ARID1B: variants seen among roughly 807,000 people sequenced by gnomAD.
ARID1B encodes the protein AT-rich interaction domain 1B, also known as AT-rich interactive domain-containing protein 1B.
ARID1B carries 30 observed loss-of-function variants against 212.3 expected under a neutral mutation model. The ratio of observed to expected loss-of-function variants is 0.14; its 90% confidence interval spans 0.11 to 0.19. The LOEUF is 0.19. Ranked by LOEUF, ARID1B falls within the 10% of genes least tolerant of loss-of-function variation. The pLI is 1.00. For missense variants in ARID1B, 2,891 were observed against 3,204.0 expected, an observed-to-expected ratio of 0.90 and a Z score of 2.36; for synonymous variants, 1,402 against 1,301.7, an observed-to-expected ratio of 1.08 and a Z score of -1.66.
intron 2 of ARID1B, among the ~76,000 whole-genome samples, chr6:156,873,202 A>G (rs1786286291): frequency 6.6e-6 from 1 of 152,194 alleles, no homozygotes; most frequent in Non-Finnish European, 1.5e-5. Context: ...AGAAAAGGGG[A>G]ATGGGCACAA....
intron 4 of ARID1B, among the ~76,000 whole-genome samples, chr6:157,013,562 AG>A (rs1231364884): frequency 6.6e-6 from 1 of 152,258 alleles, no homozygotes; most frequent in Non-Finnish European, 1.5e-5. Context: ...CACTGAAAAC[AG>A]GATCTGTCAC....
chr6:157,028,426 A>G (rs983550090), intron 4 of ARID1B, among the ~76,000 whole-genome samples: 4 of 152,246 alleles, frequency 2.6e-5, no homozygotes, highest in East Asian at 1.9e-4. Context: ...ATTTAATAAG[A>G]TACAGTTTAC....
chr6:157,109,885 G>A (rs1486937640), intron 5 of ARID1B, among the ~76,000 whole-genome samples: 2 of 152,200 alleles, frequency 1.3e-5, no homozygotes, highest in Non-Finnish European at 2.9e-5. Flanking sequence ...TGCTATTGCT[G>A]TATTAGCAAT....
rs377763659 is a variant in ARID1B at position 156,963,694 on chromosome 6, AGTTT to A, written c.2247+28127_2247+28130del. On this transcript the variant is annotated intron_variant, in intron 4 of 19. Transcript: ENST00000636930. Reference sequence around the variant, plus strand: ...CTACATAAAATCAAAACCATGGAAGAGTTTGTTTGTTTTGTAATCAAATAAATCT... The same window carrying A: ...CTACATAAAATCAAAACCATGGAAGAGTTTGTTTTGTAATCAAATAAATCT... Among the ~76,000 whole-genome samples, 673 of 152,338 alleles carry A rather than the reference AGTTT, an allele frequency of 4.4e-3. 4 individuals carry two copies. The highest frequency in any genetic ancestry group is 0.015 in the African/African-American group (633 of 41,584).
At position 157,181,026 on chromosome 6, in the gene ARID1B, A is replaced by T; in HGVS notation, c.3562A>T (p.Asn1188Tyr). ...EKITKVYELG[N>Y]EPERKLWVDR... ...GATCACGAAGGTGTACGAGCTGGGG[A>T]ATGAGCCAGAGAGAAAGCTCTGGGT... Residue 1188 changes from asparagine (N) to tyrosine (Y), a missense_variant, in exon 12 of 20, where the codon AAT (asparagine) becomes TAT (tyrosine). By Grantham distance (143) the Asn-to-Tyr change is moderately radical. Transcript: ENST00000636930. 1 of 1,614,088 alleles carries T rather than the reference A, an allele frequency of 6.2e-7. No homozygotes were observed. Among genetic ancestry groups the T allele is most frequent in the Non-Finnish European group, 8.5e-7 (1 of 1,180,016 alleles).
In ARID1B at chr6:157,203,706, A is replaced by G; in HGVS notation, c.5264-160A>G. 1 of 926,990 alleles carries G rather than the reference A, an allele frequency of 1.1e-6. No homozygotes were observed. Among genetic ancestry groups the G allele is most frequent in the Non-Finnish European group, 1.6e-6 (1 of 607,992 alleles). 57.4% of individuals were successfully genotyped at this position (926,990 alleles called of 1,614,324 possible). ...CTCGTTACAGCTATGGCCTCCATTTAAAATCGGAAATGATCACGCTTAACT... is the reference window on the plus strand; with the variant it reads ...CTCGTTACAGCTATGGCCTCCATTTGAAATCGGAAATGATCACGCTTAACT... On this transcript the variant is annotated intron_variant, in intron 18 of 19. Transcript: ENST00000636930. This position sits in a 1 kb window ranked among gnomAD's most constrained non-coding sequence, Gnocchi z 4.4.
chr6:156,922,212 G>A (rs951624728), intron 3 of ARID1B, among the ~76,000 whole-genome samples: 18 of 145,694 alleles, frequency 1.2e-4, no homozygotes, highest in Admixed American at 2.8e-4. Flanking sequence ...TTGCTGTGTC[G>A]TCCAGGCTGG....
intron 4 of ARID1B, among the ~76,000 whole-genome samples, chr6:157,022,090 G>C (rs534229348): frequency 2.0e-5 from 3 of 152,156 alleles, no homozygotes; most frequent in Non-Finnish European, 2.9e-5. Flanking sequence ...AACTACAGAC[G>C]AAGGACGCCA....
At chr6:157,157,602 C>T (rs1388501933) in intron 8 of ARID1B, among the ~76,000 whole-genome samples, 1 of 152,150 alleles carries the variant, frequency 6.6e-6, no homozygotes, top group Non-Finnish European at 1.5e-5. Context: ...TGGAAAGTGT[C>T]GTGGGTCACA....
In ARID1B at chr6:156,958,082, C is replaced by T. The variant is rs572794356; in HGVS notation, c.2247+22506C>T. On this transcript the variant is annotated intron_variant, in intron 4 of 19. Transcript: ENST00000636930. ...CAAGATCTCTGATTCATTTGTCACCCGCCTTGCAAACTCAGCTTTGGCTTG... is the reference window on the plus strand; with the variant it reads ...CAAGATCTCTGATTCATTTGTCACCTGCCTTGCAAACTCAGCTTTGGCTTG... Among the ~76,000 whole-genome samples, 8 of 152,228 alleles carry T rather than the reference C, an allele frequency of 5.3e-5. No homozygotes were observed. The South Asian group carries it at 1.7e-3, about 32-fold the overall frequency.
chr6:157,169,624 T>A (rs879259652), intron 9 of ARID1B: 3 of 152,250 alleles, frequency 2.0e-5, no homozygotes, highest in Non-Finnish European at 2.9e-5. Context: ...TGTAATACAA[T>A]ACATGTGTGA....
chr6:156,946,128 G>A (rs796697552), intron 4 of ARID1B, among the ~76,000 whole-genome samples: 9 of 151,594 alleles, frequency 5.9e-5, no homozygotes, highest in Admixed American at 1.3e-4. Context: ...AGGCCAAGGC[G>A]GGCAGACCAC....
In ARID1B at chr6:157,094,664, GT is replaced by G. The variant is rs1785497750; in HGVS notation, c.2491+9762del. On this transcript the variant is annotated intron_variant, in intron 5 of 19. Coordinates refer to ENST00000636930, the MANE Select transcript of ARID1B (RefSeq NM_001374828.1). The surrounding 1 kb of genome is among the most constrained non-coding windows in gnomAD (Gnocchi z 4.3). Reference sequence around the variant, plus strand: ...GCCACCGCGCCTGGCCGATTTAGGAGTTTAAGTGTGATGTGATCCCTCTGGA... The same window carrying G: ...GCCACCGCGCCTGGCCGATTTAGGAGTTAAGTGTGATGTGATCCCTCTGGA... Among the ~76,000 whole-genome samples, 1 of 152,154 alleles carries G rather than the reference GT, an allele frequency of 6.6e-6. No homozygotes were observed. Among genetic ancestry groups the G allele is most frequent in the African/African-American group, 2.4e-5 (1 of 41,436 alleles).
At chr6:156,925,837 G>A (rs753560827) in intron 3 of ARID1B, among the ~76,000 whole-genome samples, 15 of 152,188 alleles carry the variant, frequency 9.9e-5, no homozygotes, top group Non-Finnish European at 2.2e-4. Flanking sequence ...CATGGCACAT[G>A]CAAGAGACCC....
intron 1 of ARID1B, among the ~76,000 whole-genome samples, chr6:156,796,401 CT>C (rs11449405): frequency 1.6e-3 from 234 of 142,188 alleles, no homozygotes; most frequent in Admixed American, 2.8e-3. Flanking sequence ...TGGACCTTTA[CT>C]TTTTTTTTTT....
intron 2 of ARID1B, among the ~76,000 whole-genome samples, chr6:156,862,347 A>G (rs970148884): frequency 6.6e-6 from 1 of 152,172 alleles, no homozygotes; most frequent in Non-Finnish European, 1.5e-5. Context: ...GAGAATCACA[A>G]TTGTAGGCCT....
chr6:156,862,493 GA>G (rs565707311), intron 2 of ARID1B, among the ~76,000 whole-genome samples: 1 of 152,144 alleles, frequency 6.6e-6, no homozygotes, highest in Non-Finnish European at 1.5e-5. Context: ...AACAGTAAGA[GA>G]AAAAAACCAG....
intron 4 of ARID1B, among the ~76,000 whole-genome samples, chr6:156,988,622 C>A (rs1251514921): frequency 6.6e-6 from 1 of 152,192 alleles, no homozygotes; most frequent in Non-Finnish European, 1.5e-5. Flanking sequence ...CTGGACATCT[C>A]ATTTCCTGTT....
At chr6:156,928,166 C>T (rs558991512) in intron 3 of ARID1B, among the ~76,000 whole-genome samples, 137 of 152,294 alleles carry the variant, frequency 9.0e-4, no homozygotes, top group African/African-American at 2.9e-3. Context: ...ACCTGGTGGC[C>T]GGAGGGTGCC....
Sources: allele counts gnomAD v4.1 joint callset (sites outside exome capture counted in the v4.1 genomes callset), GRCh38; gene constraint gnomAD v4.1.1; non-coding constraint Gnocchi (gnomAD v3.1); transcripts MANE v1.5; gene names NCBI Gene and HGNC (gene_info 2026-07-23, HGNC 2026-07-21).